ZFHX4: variants seen among roughly 807,000 people sequenced by gnomAD.
The protein encoded by ZFHX4 is zinc finger homeobox 4.
ZFHX4 carries 56 observed loss-of-function variants against 267.6 expected under a neutral mutation model. That is an observed-to-expected ratio of 0.21 (90% CI 0.17 to 0.26). ZFHX4 has a LOEUF of 0.26. Among genes scored for constraint, ZFHX4 ranks in the 10% least tolerant of loss-of-function variants. The probability of loss-of-function intolerance (pLI) is 1.00; values close to 1 mark genes in which losing one functional copy is unlikely to be tolerated. For synonymous variants in ZFHX4, 1,778 were observed against 1,665.6 expected (o/e 1.07, Z -1.64); for missense variants, 4,332 against 4,420.0 (o/e 0.98, Z 0.56).
intron 3 of ZFHX4, among the ~76,000 whole-genome samples, chr8:76,722,980 GT>G (rs1808763958): frequency 6.6e-6 from 1 of 151,996 alleles, no homozygotes; most frequent in South Asian, 2.1e-4. Context: ...GAAGAGGAAT[GT>G]AGCCATACTC....
At chr8:76,797,936 A>C (rs866848882) in intron 4 of ZFHX4, among the ~76,000 whole-genome samples, 5 of 131,330 alleles carry the variant, frequency 3.8e-5, no homozygotes, top group East Asian at 2.3e-4. Context: ...GTCTGTGTGT[A>C]TGTGTGTGTA....
In ZFHX4 at chr8:76,831,888, T is replaced by C. The variant is rs1811941970; in HGVS notation, c.3326-1450T>C. On this transcript the variant is annotated intron_variant, in intron 4 of 10. Coordinates refer to ENST00000651372, the MANE Select transcript of ZFHX4 (RefSeq NM_024721.5). ...AAAAAGGTGGACTTCTTGAGTGACA[T>C]GTAGGATGTCAATTAAGGCTGTGAT... 1.3e-5 allele frequency among the ~76,000 whole-genome samples: 2 copies of C among 152,060 alleles called. 1 individual carries two copies. The highest frequency in any genetic ancestry group is 4.8e-5 in the African/African-American group (2 of 41,416).
intron 3 of ZFHX4, among the ~76,000 whole-genome samples, chr8:76,742,329 T>A (rs1025554787): frequency 3.3e-5 from 5 of 152,174 alleles, no homozygotes; most frequent in African/African-American, 1.2e-4. Flanking sequence ...GTAATTTGAA[T>A]CTGGCAATTT....
At chr8:76,779,511 C>G (rs1810493085) in intron 4 of ZFHX4, among the ~76,000 whole-genome samples, 1 of 152,042 alleles carries the variant, frequency 6.6e-6, no homozygotes, top group Admixed American at 6.6e-5. Context: ...GAATAGAGCA[C>G]AGAGCTTGAG....
At chr8:76,843,675 TC>T (rs1812295110) in intron 6 of ZFHX4, among the ~76,000 whole-genome samples, 1 of 152,188 alleles carries the variant, frequency 6.6e-6, no homozygotes, top group Non-Finnish European at 1.5e-5. Context: ...TGAAACGGGT[TC>T]AAGCCTATTA....
chr8:76,788,512 G>T (rs1215423970), intron 4 of ZFHX4, among the ~76,000 whole-genome samples: 1 of 152,122 alleles, frequency 6.6e-6, no homozygotes, highest in East Asian at 1.9e-4. Context: ...TATGTCTCCT[G>T]CTTCTAATAA....
intron 4 of ZFHX4, among the ~76,000 whole-genome samples, chr8:76,797,677 A>G (rs1332456961): frequency 6.6e-6 from 1 of 152,200 alleles, no homozygotes; most frequent in East Asian, 1.9e-4. Flanking sequence ...TGGATGTAGC[A>G]TTACCTAATC....
chr8:76,695,063 A>C (rs758381285), intron 1 of ZFHX4, among the ~76,000 whole-genome samples: 1 of 151,954 alleles, frequency 6.6e-6, no homozygotes, highest in Non-Finnish European at 1.5e-5. Flanking sequence ...CTCCAGGGAA[A>C]TATTGGGATT....
At chr8:76,725,639 T>C (rs906182089) in intron 3 of ZFHX4, among the ~76,000 whole-genome samples, 8 of 152,190 alleles carry the variant, frequency 5.3e-5, no homozygotes, top group African/African-American at 1.9e-4. Context: ...AGTTGATATA[T>C]ATAGATCAGT....
At chr8:76,815,835 G>A (rs185886666) in intron 4 of ZFHX4, among the ~76,000 whole-genome samples, 8 of 152,148 alleles carry the variant, frequency 5.3e-5, no homozygotes, top group Middle Eastern at 6.8e-3. Context: ...AAACCCAAAC[G>A]CCCCACCTGT....
At position 76,792,046 on chromosome 8, in the gene ZFHX4, G is replaced by A. The variant is rs189677638; in HGVS notation, c.3325+13607G>A. The stretch of plus-strand genomic sequence containing the variant: ...TTGAGGACTTGGTTACAAAGGTGAT[G>A]ACCTTATATATTCGTTTACTCTGGA... On this transcript the variant is annotated intron_variant, in intron 4 of 10. Coordinates refer to ENST00000651372, the MANE Select transcript of ZFHX4 (RefSeq NM_024721.5). Among the ~76,000 whole-genome samples the A allele has an allele frequency of 1.0e-3, 153 of 152,012 alleles. 1 individual carries two copies. The South Asian group carries it at 0.012, about 12-fold the overall frequency.
At chr8:76,737,915 C>T (rs563416552) in intron 3 of ZFHX4, among the ~76,000 whole-genome samples, 2 of 152,262 alleles carry the variant, frequency 1.3e-5, no homozygotes, top group Non-Finnish European at 1.5e-5. Flanking sequence ...ATTTCATGCC[C>T]TGTGAGGTTA....
intron 4 of ZFHX4, among the ~76,000 whole-genome samples, chr8:76,825,427 G>A (rs528333256): frequency 8.5e-5 from 13 of 152,326 alleles, no homozygotes; most frequent in Middle Eastern, 3.4e-3. Flanking sequence ...ACTCCATGGC[G>A]TTTCTTCCTT....
Position 76,864,540 on chromosome 8 carries a change from T to A in ZFHX4, c.10826T>A (p.Ile3609Asn), listed in dbSNP as rs767387306. The A allele has an allele frequency of 1.9e-6, 3 of 1,609,792 alleles. No individual in the cohort carries two copies. Among genetic ancestry groups the A allele is most frequent in the Non-Finnish European group, 2.5e-6 (3 of 1,178,052 alleles). Reference protein sequence around the residue: ...ASGLDGNFNSIRMDMFSV With the variant: ...ASGLDGNFNSNRMDMFSV ...GGCCTAGATGGTAATTTCAATAGCA[T>A]CCGAATGGATATGTTCAGTGTGTAG... The change falls in exon 11 of 11, where the codon ATC (isoleucine) becomes AAC (asparagine). Residue 3609 changes from isoleucine to asparagine, a missense_variant. This residue lies in a region of ZFHX4 where 1,648 missense variants were observed against 1,625.0 expected (regional missense o/e 1.01). Transcript: ENST00000651372.
rs1810853358 is a variant in ZFHX4, at chr8:76,792,096, A to G, written c.3325+13657A>G. Among the ~76,000 whole-genome samples the G allele has an allele frequency of 6.6e-5, 10 of 152,296 alleles. No individual in the cohort carries two copies. The South Asian group carries it at 1.9e-3, about 28-fold the overall frequency. On this transcript the variant is annotated intron_variant, in intron 4 of 10. Coordinates refer to ENST00000651372, the MANE Select transcript of ZFHX4 (RefSeq NM_024721.5). ...AAGAAATTCTTATAATCTGGAAGTT[A>G]CAAATACTTCCAAAACCTAATGCTA...
chr8:76,774,371 A>T (rs1229663020), intron 3 of ZFHX4, among the ~76,000 whole-genome samples: 1 of 152,192 alleles, frequency 6.6e-6, no homozygotes, highest in Non-Finnish European at 1.5e-5. Flanking sequence ...ATTTAAAAAT[A>T]GACGTTCTTA....
intron 1 of ZFHX4, 83 bp from the exon 2 acceptor site, chr8:76,703,960 C>A: frequency 1.0e-6 from 1 of 970,680 alleles, no homozygotes; most frequent in Non-Finnish European, 1.5e-6. Flanking sequence ...ACGTTTACAG[C>A]AGCTGTAAAT....
chr8:76,808,493 C>T (rs772458207), intron 4 of ZFHX4, among the ~76,000 whole-genome samples: 9 of 152,238 alleles, frequency 5.9e-5, no homozygotes, highest in South Asian at 2.1e-4. Context: ...AGGCTGATGA[C>T]GCTAACGAAT....
chr8:76,849,011 G>A lies in ZFHX4; in HGVS notation c.3528G>A (p.Glu1176=). 1.3e-6 allele frequency: 2 copies of A among 1,547,138 alleles called. No individual in the cohort carries two copies. The highest frequency in any genetic ancestry group is 2.4e-5 in the South Asian group (2 of 82,280). Residue 1176 remains glutamate (E), a synonymous_variant, in exon 7 of 11, where the codon GAG becomes GAA. Coordinates refer to ENST00000651372, the MANE Select transcript of ZFHX4 (RefSeq NM_024721.5). ...SNKDSGIITP[E]KELKVSVAGG... is the part of the protein sequence containing the mutation. ...GGGAATCAGGGATAATCACACCAGA[G>A]AAGGAACTAAAAGTTAGTGTGGCAG...
Sources: allele counts gnomAD v4.1 joint callset (sites outside exome capture counted in the v4.1 genomes callset), GRCh38; gene constraint gnomAD v4.1.1; regional missense constraint gnomAD v4.1.1; transcripts MANE v1.5; gene names NCBI Gene and HGNC (gene_info 2026-07-23, HGNC 2026-07-21).